Variants in PPP2R2B observed in about 807,000 individuals in gnomAD.
PPP2R2B encodes protein phosphatase 2 regulatory subunit Bbeta.
Under a neutral mutation model 46.0 loss-of-function variants are expected in PPP2R2B, and 5 were observed. The ratio of observed to expected loss-of-function variants is 0.11; its 90% confidence interval spans 0.06 to 0.23. PPP2R2B has a LOEUF of 0.23. Among genes scored for constraint, PPP2R2B ranks in the 10% least tolerant of loss-of-function variants. PPP2R2B has a pLI of 1.00. For synonymous variants in PPP2R2B, 215 were observed against 206.7 expected (o/e 1.04, Z -0.34); for missense variants, 367 against 575.0 (o/e 0.64, Z 3.70).
chr5:147,031,120 C>T (rs1250043952), intron 1 of PPP2R2B, among the ~76,000 whole-genome samples: 1 of 151,946 alleles, frequency 6.6e-6, no homozygotes, highest in East Asian at 1.9e-4. Context: ...CCCTGTAGTC[C>T]CAGCCACTCG....
chr5:146,730,737 A>C (rs916948556), intron 2 of PPP2R2B, among the ~76,000 whole-genome samples: 3 of 152,100 alleles, frequency 2.0e-5, no homozygotes, highest in African/African-American at 7.2e-5. Flanking sequence ...CATGCTTCTG[A>C]GGCCTCCCCA....
chr5:146,974,185 T>G (rs970614208), intron 1 of PPP2R2B, among the ~76,000 whole-genome samples: 1 of 152,136 alleles, frequency 6.6e-6, no homozygotes. Flanking sequence ...AACAAAAAAG[T>G]CAAAATAGAA....
Position 146,878,634 on chromosome 5 carries a change from G to A in PPP2R2B, c.-168C>T, listed in dbSNP as rs895374210. On this transcript the variant is annotated 5_prime_UTR_variant, in exon 1 of 10. Transcript: ENST00000394411. The surrounding 1 kb of genome is among the most constrained non-coding windows in gnomAD (Gnocchi z 4.5). ...CTGGTCCCACGGGAGGGCGGCTCCG[G>A]CAGGCGGGGGTAGGGAAGCTGGCGG... The A allele has an allele frequency of 2.4e-6, 3 of 1,249,460 alleles. No homozygotes were observed. The highest frequency in any genetic ancestry group is 3.1e-6 in the Non-Finnish European group (3 of 969,060). The allele number at this position is 1,249,460 out of a possible 1,614,324, so 77.4% of individuals were successfully genotyped here.
chr5:146,696,887 C>T (rs1280909118), intron 4 of PPP2R2B, among the ~76,000 whole-genome samples: 1 of 152,146 alleles, frequency 6.6e-6, no homozygotes, highest in Non-Finnish European at 1.5e-5. Flanking sequence ...TAATATGAGA[C>T]TCATTGTAAA....
At chr5:146,892,125 G>T (rs1053712092) in intron 1 of PPP2R2B, among the ~76,000 whole-genome samples, 1 of 152,076 alleles carries the variant, frequency 6.6e-6, no homozygotes, top group Non-Finnish European at 1.5e-5. Context: ...TTCAACCTAT[G>T]CAAACCCTAC....
At chr5:146,739,798 T>C (rs1752757458) in intron 2 of PPP2R2B, among the ~76,000 whole-genome samples, 1 of 152,208 alleles carries the variant, frequency 6.6e-6, no homozygotes, top group Non-Finnish European at 1.5e-5. Context: ...ATGTTTCTCT[T>C]TGTATCACCA....
Position 146,878,275 on chromosome 5 carries a change from G to A in PPP2R2B, c.-124-80C>T, listed in dbSNP as rs1385941339. The A allele has an allele frequency of 2.0e-6, 3 of 1,467,636 alleles. No homozygotes were observed. The highest frequency in any genetic ancestry group is 2.7e-6 in the Non-Finnish European group (3 of 1,114,086). The allele number at this position is 1,467,636 out of a possible 1,614,324, so 90.9% of individuals were successfully genotyped here. A position where few individuals can be genotyped will look rare whatever the true frequency, so the allele number is the denominator to read the frequency against. On this transcript the variant is annotated intron_variant, in intron 1 of 9. Coordinates refer to ENST00000394411, the MANE Select transcript of PPP2R2B (RefSeq NM_181675.4). This position sits in a 1 kb window ranked among gnomAD's most constrained non-coding sequence, Gnocchi z 4.5. ...CTGTCACCTCCTCCACTCGGGTTCT[G>A]CGAGGCTGCGGCGGCTCCTCCCGCG... is the stretch of plus-strand genomic sequence containing the variant.
At chr5:146,737,831 T>C (rs1752629700) in intron 2 of PPP2R2B, among the ~76,000 whole-genome samples, 1 of 152,138 alleles carries the variant, frequency 6.6e-6, no homozygotes, top group South Asian at 2.1e-4. Flanking sequence ...TCCCAGCTAC[T>C]TGGGATGCTG....
chr5:146,789,838 A>G (rs991778802), intron 2 of PPP2R2B, among the ~76,000 whole-genome samples: 1 of 152,212 alleles, frequency 6.6e-6, no homozygotes, highest in African/African-American at 2.4e-5. Context: ...ATGTCTGTGG[A>G]TAAACCTTTC....
At chr5:146,793,784 G>A (rs1756359020) in intron 2 of PPP2R2B, among the ~76,000 whole-genome samples, 1 of 152,116 alleles carries the variant, frequency 6.6e-6, no homozygotes, top group Non-Finnish European at 1.5e-5. Context: ...CCTAAGTGTG[G>A]GCAACAGAGC....
At chr5:146,878,994 G>A, upstream of PPP2R2B, 1 of 1,018,936 alleles carries the variant, frequency 9.8e-7, no homozygotes, top group Non-Finnish European at 1.2e-6. This position sits in a 1 kb window ranked among gnomAD's most constrained non-coding sequence, Gnocchi z 4.5. Flanking sequence ...GCGCCACTCA[G>A]CTAAGGGCCA....
chr5:146,733,514 T>C (rs1020431557), intron 2 of PPP2R2B, among the ~76,000 whole-genome samples: 2 of 152,192 alleles, frequency 1.3e-5, no homozygotes, highest in African/African-American at 4.8e-5. Flanking sequence ...GTAAGAAGTA[T>C]GTGAACTAAT....
At chr5:146,738,456 A>T (rs1428036870) in intron 2 of PPP2R2B, among the ~76,000 whole-genome samples, 3 of 152,076 alleles carry the variant, frequency 2.0e-5, no homozygotes, top group Admixed American at 2.0e-4. Flanking sequence ...AGTGACTTTA[A>T]ACGTCATCTT....
At chr5:146,810,749 G>C (rs1757485149) in intron 2 of PPP2R2B, among the ~76,000 whole-genome samples, 1 of 150,900 alleles carries the variant, frequency 6.6e-6, no homozygotes, top group Non-Finnish European at 1.5e-5. Context: ...TATACTTTAA[G>C]TTCTAGGGTA....
chr5:146,650,529 A>G lies in PPP2R2B; in HGVS notation c.625+18T>C, dbSNP rs778469667. On this transcript the variant is annotated intron_variant, in intron 6 of 9. Transcript: ENST00000394411. Reference sequence around the variant, plus strand: ...CTTAATTCAGGCCAGTTGATTCTTGATCACAAAGAAAGGATACTAAAACTT... The same window carrying G: ...CTTAATTCAGGCCAGTTGATTCTTGGTCACAAAGAAAGGATACTAAAACTT... 6.2e-6 allele frequency: 10 copies of G among 1,606,666 alleles called. No individual in the cohort carries two copies. The African/African-American group carries it at 1.2e-4, about 19-fold the overall frequency.
At chr5:146,789,370 C>T (rs1173415361) in intron 2 of PPP2R2B, among the ~76,000 whole-genome samples, 1 of 152,062 alleles carries the variant, frequency 6.6e-6, no homozygotes, top group Non-Finnish European at 1.5e-5. Context: ...ATTTTAGAAT[C>T]GAGTAACATG....
chr5:146,981,081 T>C (rs1353281752), intron 1 of PPP2R2B, among the ~76,000 whole-genome samples: 2 of 152,208 alleles, frequency 1.3e-5, no homozygotes, highest in African/African-American at 4.8e-5. Flanking sequence ...TGTTTGTTTA[T>C]TGTATGTCTC....
intron 2 of PPP2R2B, among the ~76,000 whole-genome samples, chr5:146,873,267 A>C (rs968148259): frequency 6.6e-6 from 1 of 152,104 alleles, no homozygotes; most frequent in African/African-American, 2.4e-5. Flanking sequence ...AATTCTCTCC[A>C]TCTCTACTGA....
intron 2 of PPP2R2B, among the ~76,000 whole-genome samples, chr5:146,864,979 CAT>C (rs1465280023): frequency 3.3e-5 from 5 of 152,150 alleles, no homozygotes; most frequent in Non-Finnish European, 7.3e-5. Flanking sequence ...CATCTAGAAA[CAT>C]AATTGTTCAT....
Sources: gnomAD v4.1 joint callset for allele counts (sites outside exome capture counted in the v4.1 genomes callset) on GRCh38, gnomAD v4.1.1 for gene constraint, Gnocchi (gnomAD v3.1) non-coding constraint, MANE v1.5 for transcripts, NCBI Gene and HGNC (gene_info 2026-07-23, HGNC 2026-07-21) for gene names.